The following FRMD6 variants were observed in gnomAD, a reference collection of about 807,000 sequenced individuals.
FRMD6 encodes FERM domain containing 6.
In FRMD6, 37 loss-of-function variants were observed where a neutral mutation model predicts 73.2. The observed-to-expected ratio is 0.51, with a 90% CI of 0.39 to 0.66. The LOEUF is 0.66. Ranked by LOEUF, FRMD6 falls within the 30% of genes least tolerant of loss-of-function variation. The probability of loss-of-function intolerance (pLI) is 0.00; values close to 1 mark genes in which losing one functional copy is unlikely to be tolerated. For missense variants in FRMD6, 714 were observed against 780.5 expected (o/e 0.91, Z 1.02); for synonymous variants, 273 against 282.2 (o/e 0.97, Z 0.33).
In FRMD6 at chr14:51,597,003, A is replaced by G. The variant is rs553259643; in HGVS notation, c.-147+26593A>G. 3.3e-5 allele frequency among the ~76,000 whole-genome samples: 5 copies of G among 152,384 alleles called. No individual in the cohort carries two copies. The South Asian group carries it at 8.3e-4, about 25-fold the overall frequency. The stretch of plus-strand genomic sequence containing the variant: ...ACTAACACATGTAAATATTCATTTT[A>G]TAAATATGCAATTTTATAGGAGCCT... On this transcript the variant is annotated intron_variant, in intron 2 of 14. Transcript: ENST00000356218.
chr14:51,493,910 A>G lies in FRMD6; in HGVS notation c.-210+4490A>G, dbSNP rs139460452. ...TATTTCTCACAGTTCTAAAGGCTGG[A>G]AAGTCCAAGAACAAGGTGCCAGCTG... is the stretch of plus-strand genomic sequence containing the variant. On this transcript the variant is annotated intron_variant, in intron 1 of 14. Coordinates refer to the FRMD6 transcript ENST00000356218. Among the ~76,000 whole-genome samples the G allele has an allele frequency of 1.9e-3, 290 of 152,318 alleles. 2 individuals are homozygous for G. The highest frequency in any genetic ancestry group is 3.7e-3 in the Admixed American group (57 of 15,300).
At chr14:51,412,990 A>ATTTTT in the FRMD6 span, among the ~76,000 whole-genome samples, 1 of 134,156 alleles carries the variant, frequency 7.5e-6, no homozygotes, top group Non-Finnish European at 1.6e-5. Context: ...CCATAGTTAA[A>ATTTTT]TTTTTTTTTT....
intron 4 of FRMD6, among the ~76,000 whole-genome samples, 184 bp downstream of exon 4, chr14:51,701,343 ATTTTC>A (rs10546772): frequency 0.27 from 39,677 of 145,292 alleles, 5,617 homozygotes; most frequent in African/African-American, 0.35. Context: ...AGAACTTATA[ATTTTC>A]TTTTCCCATT....
intron 1 of FRMD6, among the ~76,000 whole-genome samples, chr14:51,513,558 C>G (rs1380293875): frequency 1.3e-5 from 2 of 152,056 alleles, no homozygotes; most frequent in African/African-American, 4.8e-5. Flanking sequence ...GGCAAATGCT[C>G]TTATGCTCCC....
At chr14:51,399,934 G>GTT in the FRMD6 span, among the ~76,000 whole-genome samples, 1 of 141,742 alleles carries the variant, frequency 7.1e-6, no homozygotes, top group East Asian at 2.1e-4. Context: ...AGAGAATGTT[G>GTT]TTTTTTTTTT....
chr14:51,440,244 G>C, the FRMD6 span, among the ~76,000 whole-genome samples: 1 of 152,208 alleles, frequency 6.6e-6, no homozygotes, highest in Non-Finnish European at 1.5e-5. Context: ...AGCTTAAACT[G>C]TTGAATATAC....
At chr14:51,416,827 CTGGGTGCTCCTGTAT>C in the FRMD6 span, among the ~76,000 whole-genome samples, 46 of 152,288 alleles carry the variant, frequency 3.0e-4, no homozygotes, top group African/African-American at 1.0e-3. Flanking sequence ...CTTTATGAAT[CTGGGTGCTCCTGTAT>C]TGGGTGCATA....
intron 1 of FRMD6, among the ~76,000 whole-genome samples, chr14:51,495,050 G>C (rs1341030091): frequency 6.6e-6 from 1 of 152,074 alleles, no homozygotes; most frequent in African/African-American, 2.4e-5. Context: ...AGTCAGCCAG[G>C]AGAAGCCAAA....
intron 2 of FRMD6, among the ~76,000 whole-genome samples, chr14:51,606,349 T>C (rs1471608199): frequency 1.3e-5 from 2 of 152,196 alleles, no homozygotes; most frequent in Non-Finnish European, 2.9e-5. Context: ...CATACAAATA[T>C]GCACATGCCC....
chr14:51,437,021 T>C, the FRMD6 span: 3 of 600,362 alleles, frequency 5.0e-6, no homozygotes, highest in Admixed American at 7.0e-5. Flanking sequence ...AGTTCTGGGA[T>C]ACATGTGCAC....
chr14:51,473,820 T>C, the FRMD6 span, among the ~76,000 whole-genome samples: 1 of 148,124 alleles, frequency 6.8e-6, no homozygotes, highest in East Asian at 1.9e-4. Flanking sequence ...CTATGCTTTC[T>C]TTACTTTTTT....
chr14:51,468,436 G>A, the FRMD6 span, among the ~76,000 whole-genome samples: 1 of 152,102 alleles, frequency 6.6e-6, no homozygotes, highest in Non-Finnish European at 1.5e-5. Context: ...AAATGTAAGT[G>A]TTGTATTTGC....
intron 3 of FRMD6, among the ~76,000 whole-genome samples, chr14:51,698,669 A>G (rs1896099738): frequency 6.6e-6 from 1 of 152,024 alleles, no homozygotes; most frequent in African/African-American, 2.4e-5. Flanking sequence ...TCACAAAGTA[A>G]TTATTAATTT....
the FRMD6 span, among the ~76,000 whole-genome samples, chr14:51,424,969 A>C: frequency 6.6e-6 from 1 of 152,214 alleles, no homozygotes; most frequent in Non-Finnish European, 1.5e-5. Context: ...CACATGGTGC[A>C]TTTTGACTTG....
At position 51,728,119 on chromosome 14, in the gene FRMD6, C is replaced by T. The variant is rs1028027791; in HGVS notation, c.*90C>T. ...TCTTTACATATTACTTGTGCCATAT[C>T]TTCTTCACCCTAAACATAGCTCTTT... On this transcript the variant is annotated 3_prime_UTR_variant, in exon 14 of 14. Coordinates refer to ENST00000344768, the MANE Select transcript of FRMD6 (RefSeq NM_001267046.2). The T allele has an allele frequency of 8.6e-6, 10 of 1,158,888 alleles. No homozygotes were observed. Among genetic ancestry groups the T allele is most frequent in the Non-Finnish European group, 1.2e-5 (10 of 822,976 alleles). 71.8% of individuals were successfully genotyped at this position (1,158,888 alleles called of 1,614,324 possible). A position where few individuals can be genotyped will look rare whatever the true frequency, so the allele number is the denominator to read the frequency against.
At chr14:51,545,274 CA>C (rs1424270044) in intron 1 of FRMD6, among the ~76,000 whole-genome samples, 1 of 151,924 alleles carries the variant, frequency 6.6e-6, no homozygotes, top group Non-Finnish European at 1.5e-5. Flanking sequence ...TCTTTTTAAA[CA>C]CAGCAAAAAT....
intron 1 of FRMD6, among the ~76,000 whole-genome samples, chr14:51,556,410 A>G (rs902323315): frequency 6.6e-6 from 1 of 152,222 alleles, no homozygotes; most frequent in Non-Finnish European, 1.5e-5. Flanking sequence ...TACTTTGTAG[A>G]ATTTCACATT....
intron 2 of FRMD6, among the ~76,000 whole-genome samples, chr14:51,613,176 T>A (rs892913382): frequency 6.6e-6 from 1 of 152,154 alleles, no homozygotes; most frequent in African/African-American, 2.4e-5. Context: ...GATTTTAAAA[T>A]GAACTGTGAC....
chr14:51,551,397 T>C (rs979133131), intron 1 of FRMD6, among the ~76,000 whole-genome samples: 2 of 152,244 alleles, frequency 1.3e-5, no homozygotes, highest in African/African-American at 4.8e-5. Flanking sequence ...AATCCTATTA[T>C]ACACAGAGAA....
Sources: allele counts gnomAD v4.1 joint callset (sites outside exome capture counted in the v4.1 genomes callset), GRCh38; gene constraint gnomAD v4.1.1; transcripts MANE v1.5; gene names NCBI Gene and HGNC (gene_info 2026-07-23, HGNC 2026-07-21).